The following MACROD2 variants were observed in gnomAD, a reference collection of about 807,000 sequenced individuals.
The protein encoded by MACROD2 is ADP-ribose glycohydrolase MACROD2.
A neutral mutation model predicts 70.4 loss-of-function variants in MACROD2; 36 were observed. That is an observed-to-expected ratio of 0.51 (90% confidence interval 0.39 to 0.68). MACROD2 has a LOEUF of 0.68. MACROD2 is among the 30% of genes least tolerant of loss of function. The probability of loss-of-function intolerance (pLI) is 0.00; values close to 1 mark genes in which losing one functional copy is unlikely to be tolerated. For missense variants in MACROD2, 496 were observed against 538.4 expected (o/e 0.92, Z 0.78); for synonymous variants, 172 against 178.8 (o/e 0.96, Z 0.30).
chr20:14,190,566 T>C (rs1380295810), intron 3 of MACROD2, among the ~76,000 whole-genome samples: 1 of 150,168 alleles, frequency 6.7e-6, no homozygotes, highest in Non-Finnish European at 1.5e-5. Context: ...CTGAAAAATA[T>C]GGGTTTGAGT....
chr20:14,276,796 A>G (rs1328878505), intron 3 of MACROD2, among the ~76,000 whole-genome samples: 6 of 152,112 alleles, frequency 3.9e-5, no homozygotes, highest in Non-Finnish European at 8.8e-5. Flanking sequence ...GACATCTGAC[A>G]TGTTGTGCTG....
At chr20:15,986,460 A>C (rs148118667) in intron 13 of MACROD2, among the ~76,000 whole-genome samples, 1 of 152,234 alleles carries the variant, frequency 6.6e-6, no homozygotes, top group Non-Finnish European at 1.5e-5. Context: ...TCCTCTATCC[A>C]TATCCTGTGC....
chr20:14,082,099 A>G (rs1316251128), intron 2 of MACROD2, among the ~76,000 whole-genome samples: 2 of 151,376 alleles, frequency 1.3e-5, no homozygotes, highest in Non-Finnish European at 2.9e-5. Flanking sequence ...GACAGATTAG[A>G]GTTTCTTTTG....
chr20:14,183,926 C>A (rs1406443768), intron 3 of MACROD2, among the ~76,000 whole-genome samples: 1 of 152,068 alleles, frequency 6.6e-6, no homozygotes, highest in Non-Finnish European at 1.5e-5. Flanking sequence ...CTTAGAGATG[C>A]TGGATATTAG....
At chr20:14,448,401 G>C (rs2084207409) in intron 3 of MACROD2, among the ~76,000 whole-genome samples, 1 of 151,978 alleles carries the variant, frequency 6.6e-6, no homozygotes, top group Non-Finnish European at 1.5e-5. Flanking sequence ...GTGGGGCCAG[G>C]CGCGGTGACT....
chr20:15,443,366 G>A (rs1163278309), intron 7 of MACROD2, among the ~76,000 whole-genome samples: 1 of 152,032 alleles, frequency 6.6e-6, no homozygotes, highest in African/African-American at 2.4e-5. Flanking sequence ...GTAGTCAAAG[G>A]AAATCTCCTT....
At chr20:14,806,862 T>G (rs116726140) in intron 5 of MACROD2, among the ~76,000 whole-genome samples, 2,020 of 152,184 alleles carry the variant, frequency 0.013, 44 homozygotes, top group African/African-American at 0.046. Flanking sequence ...CAGCACTGCA[T>G]AGCTGCTGTA....
intron 4 of MACROD2, among the ~76,000 whole-genome samples, chr20:14,541,507 A>G (rs1001274955): frequency 7.9e-5 from 12 of 152,080 alleles, no homozygotes; most frequent in Non-Finnish European, 1.5e-4. Context: ...TCTTCCCTGA[A>G]CTAAACTCTA....
chr20:14,747,459 T>TG (rs1157971252), intron 5 of MACROD2, among the ~76,000 whole-genome samples: 1 of 152,144 alleles, frequency 6.6e-6, no homozygotes, highest in African/African-American at 2.4e-5. Flanking sequence ...ACTGGGTGAG[T>TG]GAAGACCTGA....
At chr20:14,590,338 C>G (rs1981679640) in intron 4 of MACROD2, among the ~76,000 whole-genome samples, 1 of 151,974 alleles carries the variant, frequency 6.6e-6, no homozygotes, top group Admixed American at 6.6e-5. Context: ...ACTCATTTAC[C>G]CATAAAAATA....
At chr20:15,160,335 G>A (rs2076339804) in intron 5 of MACROD2, among the ~76,000 whole-genome samples, 1 of 152,064 alleles carries the variant, frequency 6.6e-6, no homozygotes, top group Non-Finnish European at 1.5e-5. Context: ...TGATATGAGG[G>A]CAAAGGAGCT....
chr20:14,753,949 G>T (rs1265959923), intron 5 of MACROD2, among the ~76,000 whole-genome samples: 1 of 151,832 alleles, frequency 6.6e-6, no homozygotes, highest in Non-Finnish European at 1.5e-5. Flanking sequence ...GGAAATATGT[G>T]GCAAAAATAG....
intron 10 of MACROD2, among the ~76,000 whole-genome samples, chr20:15,904,408 C>A (rs1430617500): frequency 6.6e-6 from 1 of 152,066 alleles, no homozygotes; most frequent in Non-Finnish European, 1.5e-5. Context: ...AAAATATTGA[C>A]AAACAAGATA....
At chr20:15,354,051 G>A (rs1235243698) in intron 6 of MACROD2, among the ~76,000 whole-genome samples, 5 of 147,348 alleles carry the variant, frequency 3.4e-5, no homozygotes, top group East Asian at 2.0e-4. Context: ...ACATGCACAC[G>A]TATGTTTATT....
chr20:15,768,712 A>G (rs892686227), intron 8 of MACROD2, among the ~76,000 whole-genome samples: 6 of 152,238 alleles, frequency 3.9e-5, no homozygotes, highest in African/African-American at 1.4e-4. Flanking sequence ...TAATCATACA[A>G]TTTAAAACAC....
intron 15 of MACROD2, among the ~76,000 whole-genome samples, chr20:15,988,564 A>G (rs2066517464): frequency 6.6e-6 from 1 of 152,166 alleles, no homozygotes; most frequent in South Asian, 2.1e-4. Flanking sequence ...AGCCTTCCCA[A>G]GCATTGAACA....
chr20:15,610,991 CTTT>C (rs34495725), intron 8 of MACROD2, among the ~76,000 whole-genome samples: 14 of 60,110 alleles, frequency 2.3e-4, no homozygotes, highest in African/African-American at 8.7e-4. Flanking sequence ...AGCCAAAAAT[CTTT>C]TTTTTTTTTT....
At chr20:14,789,473 T>TTTTTTG (rs2072421833) in intron 5 of MACROD2, among the ~76,000 whole-genome samples, 1 of 120,288 alleles carries the variant, frequency 8.3e-6, no homozygotes, top group Admixed American at 8.4e-5. Context: ...TTTTTTTTTT[T>TTTTTTG]TTTTTTTTTT....
rs536468301 is a variant in MACROD2, at chr20:15,628,252, A to G, written c.645+128405A>G. On this transcript the variant is annotated intron_variant, in intron 8 of 17. Transcript: ENST00000684519. Reference sequence around the variant, plus strand: ...CCTTAAATACTAGACCTTTATTTACATATACATTTAAGCCTCATATCAACC... The same window carrying G: ...CCTTAAATACTAGACCTTTATTTACGTATACATTTAAGCCTCATATCAACC... Among the ~76,000 whole-genome samples the G allele has an allele frequency of 1.7e-3, 252 of 152,338 alleles. 2 individuals are homozygous for G. The highest frequency in any genetic ancestry group is 4.3e-3 in the Admixed American group (66 of 15,306).
Sources: allele counts gnomAD v4.1 joint callset (sites outside exome capture counted in the v4.1 genomes callset), GRCh38; gene constraint gnomAD v4.1.1; transcripts MANE v1.5; gene names NCBI Gene and HGNC (gene_info 2026-07-23, HGNC 2026-07-21).